Variants in PFKFB3 observed in about 807,000 individuals in gnomAD.
The protein encoded by PFKFB3 is 6-phosphofructo-2-kinase/fructose-2,6-biphosphatase 3.
PFKFB3 carries 33 observed loss-of-function variants against 68.0 expected under a neutral mutation model. The observed-to-expected ratio is 0.49, with a 90% CI of 0.37 to 0.65. PFKFB3 has a LOEUF of 0.65. PFKFB3 is among the 30% of genes least tolerant of loss of function. PFKFB3 has a pLI of 0.00. For missense variants in PFKFB3, 586 were observed against 712.2 expected, an observed-to-expected ratio of 0.82 and a Z score of 2.02; for synonymous variants, 315 against 288.2, an observed-to-expected ratio of 1.09 and a Z score of -0.94.
chr10:6,200,667 G>C (rs754029373), upstream of PFKFB3, among the ~76,000 whole-genome samples: 50,349 of 81,696 alleles, frequency 0.62, 19,847 homozygotes, highest in Admixed American at 0.71. Context: ...AGCGGGGGGG[G>C]GGGGGGGGCG....
the PFKFB3 span, among the ~76,000 whole-genome samples, chr10:6,272,214 G>A: frequency 6.6e-6 from 1 of 152,240 alleles, no homozygotes; most frequent in African/African-American, 2.4e-5. Context: ...TGAAGGCAGT[G>A]CTGGGAGATG....
the PFKFB3 span, among the ~76,000 whole-genome samples, chr10:6,278,463 G>A: frequency 6.6e-6 from 1 of 151,880 alleles, no homozygotes; most frequent in Non-Finnish European, 1.5e-5. Flanking sequence ...TTTTAGTAGA[G>A]ACGGGGTTTC....
Position 6,203,192 on chromosome 10 carries a change from G to C in PFKFB3, c.-69G>C, listed in dbSNP as rs1020308921. ...CCTCTCCTCCTTTGTTCCGGGGGTC[G>C]GCGGCCGCTCTCCTGCCAGCGTCGG... On this transcript the variant is annotated 5_prime_UTR_variant, in exon 1 of 15. Coordinates refer to ENST00000379775, the MANE Select transcript of PFKFB3 (RefSeq NM_004566.4). The C allele has an allele frequency of 2.2e-5, 35 of 1,569,268 alleles. No homozygotes were observed. Among genetic ancestry groups the C allele is most frequent in the Middle Eastern group, 1.8e-4 (1 of 5,498 alleles).
At chr10:6,238,521 A>C (rs1467549808), downstream of PFKFB3, among the ~76,000 whole-genome samples, 1 of 149,198 alleles carries the variant, frequency 6.7e-6, no homozygotes, top group Non-Finnish European at 1.5e-5. Flanking sequence ...GGAATGCCAT[A>C]GTTCTCAGAC....
the PFKFB3 span, among the ~76,000 whole-genome samples, chr10:6,296,186 C>T: frequency 1.3e-5 from 2 of 151,722 alleles, no homozygotes; most frequent in South Asian, 2.1e-4. Context: ...AAGTTCTTTA[C>T]TGGAAGTTGG....
chr10:6,271,656 A>C, the PFKFB3 span, among the ~76,000 whole-genome samples: 1 of 152,172 alleles, frequency 6.6e-6, no homozygotes, highest in Non-Finnish European at 1.5e-5. Flanking sequence ...GTCTCTAACT[A>C]AGGTTGTGTA....
Position 6,222,963 on chromosome 10 carries a change from T to A in PFKFB3, c.1192T>A (p.Tyr398Asn). 1 of 1,613,602 alleles carries A rather than the reference T, an allele frequency of 6.2e-7. No individual in the cohort carries two copies. The highest frequency in any genetic ancestry group is 2.2e-5 in the East Asian group (1 of 44,854). The change falls in exon 11 of 15, where the codon TAC becomes AAC. Residue 398 changes from tyrosine to asparagine, a missense_variant. By Grantham distance (143) the Tyr-to-Asn change is moderately radical (BLOSUM62 -2). Transcript: ENST00000379775. ...GGCCGTCCTGCGCTGCCTGCTTGCC[T>A]ACTTCCTGGATAAGAGTGCAGGTAC... ...HQAVLRCLLA[Y>N]FLDKSAEEMP... is the part of the protein sequence containing the mutation.
At position 6,249,132 on chromosome 10, in the gene PFKFB3, C is replaced by T. The variant is rs866452878; in HGVS notation, c.1516-5046C>T. Among the ~76,000 whole-genome samples, 8 of 147,214 alleles carry T rather than the reference C, an allele frequency of 5.4e-5. No individual in the cohort carries two copies. The Middle Eastern group carries it at 0.011, about 200-fold the overall frequency. On this transcript the variant is annotated intron_variant, in intron 14 of 14. Transcript: ENST00000640683. ...GAAGTTGCGGTGAGCTGAGATTGCG[C>T]CATTGCACTCCAGCCTAGGCAACAA...
chr10:6,220,147 G>T lies in PFKFB3; in HGVS notation c.623+454G>T, dbSNP rs1844853285. Among the ~76,000 whole-genome samples the T allele has an allele frequency of 6.6e-6, 1 of 151,902 alleles. No individual in the cohort carries two copies. Among genetic ancestry groups the T allele is most frequent in the Admixed American group, 6.6e-5 (1 of 15,246 alleles). On this transcript the variant is annotated intron_variant, in intron 7 of 14. Transcript: ENST00000379775. The surrounding 1 kb of genome is among the most constrained non-coding windows in gnomAD (Gnocchi z 4.1). ...GACAGGGTCTCCCTTTGTCTCCCAG[G>T]CTAGAGTGCAGTGGCATGATCATAG...
intron 1 of PFKFB3, among the ~76,000 whole-genome samples, chr10:6,182,703 C>G (rs886579616): frequency 6.6e-6 from 1 of 152,238 alleles, no homozygotes; most frequent in Non-Finnish European, 1.5e-5. Context: ...GGCTAAGAAT[C>G]AGAGCCTGGG....
chr10:6,275,958 A>G, the PFKFB3 span, among the ~76,000 whole-genome samples: 1 of 152,166 alleles, frequency 6.6e-6, no homozygotes. This position sits in a 1 kb window ranked among gnomAD's most constrained non-coding sequence, Gnocchi z 4.9. Context: ...ATGCTGGAGT[A>G]TCTCATTCCT....
intron 1 of PFKFB3, among the ~76,000 whole-genome samples, chr10:6,180,822 T>C (rs911260816): frequency 2.6e-5 from 4 of 152,166 alleles, no homozygotes; most frequent in Non-Finnish European, 1.5e-5. Context: ...TGCTTTACTT[T>C]TAATGACCCA....
intron 1 of PFKFB3, among the ~76,000 whole-genome samples, chr10:6,169,594 G>A (rs1842244697): frequency 6.6e-6 from 1 of 152,200 alleles, no homozygotes. Flanking sequence ...CTGCGCTGAT[G>A]GTGAAGGCGG....
chr10:6,226,023 C>T (rs1845323176), intron 13 of PFKFB3, among the ~76,000 whole-genome samples, 169 bp from the exon 14 acceptor site: 1 of 152,180 alleles, frequency 6.6e-6, no homozygotes, highest in African/African-American at 2.4e-5. Context: ...GCCTGGCAGT[C>T]ACCGCACACT....
chr10:6,209,716 C>G (rs1168638382), intron 1 of PFKFB3, among the ~76,000 whole-genome samples: 2 of 151,010 alleles, frequency 1.3e-5, no homozygotes, highest in African/African-American at 2.4e-5. Flanking sequence ...CTGCCCTCCT[C>G]TGCTGCCCAA....
At chr10:6,283,047 C>A in the PFKFB3 span, among the ~76,000 whole-genome samples, 5 of 152,198 alleles carry the variant, frequency 3.3e-5, no homozygotes, top group East Asian at 9.6e-4. Context: ...CTCACTGCAA[C>A]CTCCGCCTCC....
At chr10:6,152,778 G>A (rs1367408650) in intron 1 of PFKFB3, among the ~76,000 whole-genome samples, 1 of 152,198 alleles carries the variant, frequency 6.6e-6, no homozygotes, top group Admixed American at 6.5e-5. Flanking sequence ...CTACTTGGGA[G>A]GCTGAGGTGG....
At chr10:6,285,083 T>A in the PFKFB3 span, among the ~76,000 whole-genome samples, 1 of 152,168 alleles carries the variant, frequency 6.6e-6, no homozygotes. Flanking sequence ...CTGCTTTCAG[T>A]TCTTTGGGGT....
chr10:6,206,815 A>G (rs1400442679), intron 1 of PFKFB3, among the ~76,000 whole-genome samples: 3 of 34,126 alleles, frequency 8.8e-5, no homozygotes, highest in East Asian at 8.4e-4. Flanking sequence ...GCGGCCGGGC[A>G]GAGACGCTCC....
Sources: allele counts gnomAD v4.1 joint callset (sites outside exome capture counted in the v4.1 genomes callset), GRCh38; gene constraint gnomAD v4.1.1; non-coding constraint Gnocchi (gnomAD v3.1); transcripts MANE v1.5; gene names NCBI Gene and HGNC (gene_info 2026-07-23, HGNC 2026-07-21).